Variants in ROBO2 observed in about 807,000 individuals in gnomAD.
ROBO2 encodes roundabout guidance receptor 2.
ROBO2 carries 53 observed loss-of-function variants against 160.8 expected under a neutral mutation model. That is an observed-to-expected ratio of 0.33 (90% confidence interval 0.26 to 0.41). The LOEUF (loss-of-function observed/expected upper bound fraction) is 0.41, where lower values mean the gene tolerates loss of function less well. ROBO2 is among the 10% of genes least tolerant of loss of function. The pLI is 1.00. For missense variants in ROBO2, 1,577 were observed against 1,722.4 expected (o/e 0.92, Z 1.49); for synonymous variants, 664 against 611.7 (o/e 1.09, Z -1.26).
At chr3:77,302,282 G>A (rs72895190) in intron 2 of ROBO2, among the ~76,000 whole-genome samples, 1 of 151,866 alleles carries the variant, frequency 6.6e-6, no homozygotes, top group Non-Finnish European at 1.5e-5. Context: ...GATATTAATC[G>A]TACCTATCTC....
intron 2 of ROBO2, among the ~76,000 whole-genome samples, chr3:77,099,448 G>T (rs998654079): frequency 1.2e-4 from 18 of 152,174 alleles, no homozygotes; most frequent in African/African-American, 4.3e-4. Context: ...AAGACTAGGA[G>T]AATCCTAAGA....
At chr3:77,560,500 C>G (rs527804335) in intron 9 of ROBO2, among the ~76,000 whole-genome samples, 1 of 152,110 alleles carries the variant, frequency 6.6e-6, no homozygotes, top group Non-Finnish European at 1.5e-5. Context: ...CATGACTGTC[C>G]TTACAGGGAG....
chr3:77,445,832 G>A (rs1035607700), intron 2 of ROBO2, among the ~76,000 whole-genome samples: 1 of 146,874 alleles, frequency 6.8e-6, no homozygotes, highest in African/African-American at 2.6e-5. Context: ...GTATAGCAAG[G>A]ATAGCTTTCT....
intron 2 of ROBO2, among the ~76,000 whole-genome samples, chr3:77,324,983 T>C (rs2065232671): frequency 6.6e-6 from 1 of 152,102 alleles, no homozygotes; most frequent in African/African-American, 2.4e-5. Context: ...GAATGAATAA[T>C]AACAGGATGT....
chr3:77,363,518 C>G (rs1418827455), intron 2 of ROBO2, among the ~76,000 whole-genome samples: 3 of 152,128 alleles, frequency 2.0e-5, no homozygotes, highest in East Asian at 1.9e-4. Context: ...GACCCAAGAG[C>G]CTTCAAAAAT....
chr3:76,584,595 C>G lies in ROBO2; in HGVS notation c.110-513419C>G, dbSNP rs566440931. Among the ~76,000 whole-genome samples, 12 of 152,214 alleles carry G rather than the reference C, an allele frequency of 7.9e-5. No individual in the cohort carries two copies. In the South Asian group the frequency reaches 2.5e-3, roughly 32 times the overall value. On this transcript the variant is annotated intron_variant, in intron 2 of 26. Coordinates refer to the ROBO2 transcript ENST00000487694. Reference sequence around the variant, plus strand: ...CTTGGTGAGGATCCTTCCCCACAGCCCTCAGAAGGGACCAACGCAGCTGAC... The same window carrying G: ...CTTGGTGAGGATCCTTCCCCACAGCGCTCAGAAGGGACCAACGCAGCTGAC...
intron 2 of ROBO2, among the ~76,000 whole-genome samples, chr3:76,509,297 C>T (rs1056947167): frequency 6.6e-6 from 1 of 152,072 alleles, no homozygotes; most frequent in African/African-American, 2.4e-5. Context: ...TCTGTTTGAA[C>T]GTTTTGGTGA....
chr3:76,271,667 T>C (rs1006982855), intron 2 of ROBO2, among the ~76,000 whole-genome samples: 27 of 151,878 alleles, frequency 1.8e-4, no homozygotes, highest in African/African-American at 6.5e-4. Context: ...TATATGCATC[T>C]GTTAGAATTA....
intron 2 of ROBO2, among the ~76,000 whole-genome samples, chr3:77,016,218 C>T (rs2062241244): frequency 6.6e-6 from 1 of 151,972 alleles, no homozygotes; most frequent in East Asian, 1.9e-4. Context: ...CCTCATGATC[C>T]GCCGCCTCGG....
intron 5 of ROBO2, among the ~76,000 whole-genome samples, chr3:77,514,804 G>A (rs760310853): frequency 8.6e-5 from 13 of 151,790 alleles, no homozygotes; most frequent in Non-Finnish European, 1.6e-4. Context: ...ATGGACCAAT[G>A]TATCTTGAAA....
intron 2 of ROBO2, among the ~76,000 whole-genome samples, chr3:76,698,679 A>G (rs1386381958): frequency 6.6e-6 from 1 of 152,200 alleles, no homozygotes; most frequent in African/African-American, 2.4e-5. Context: ...GGTCAGATTT[A>G]TAACGTTTTC....
intron 2 of ROBO2, among the ~76,000 whole-genome samples, chr3:76,182,597 A>G (rs962979377): frequency 7.2e-5 from 11 of 152,180 alleles, no homozygotes; most frequent in African/African-American, 2.4e-4. Context: ...CTACAAGTTG[A>G]CGGCTCCATA....
chr3:75,932,405 A>G (rs1250768240), intron 1 of ROBO2, among the ~76,000 whole-genome samples: 1 of 152,208 alleles, frequency 6.6e-6, no homozygotes, highest in East Asian at 1.9e-4. Context: ...CTGTTTATCT[A>G]TAATTTTTAA....
intron 2 of ROBO2, among the ~76,000 whole-genome samples, chr3:76,352,552 A>G (rs774158971): frequency 6.6e-6 from 1 of 152,040 alleles, no homozygotes; most frequent in Non-Finnish European, 1.5e-5. Context: ...GATTTGAATG[A>G]AAATGAGTTG....
At chr3:75,986,124 C>G (rs1259683506) in intron 2 of ROBO2, among the ~76,000 whole-genome samples, 1 of 151,582 alleles carries the variant, frequency 6.6e-6, no homozygotes, top group African/African-American at 2.4e-5. Flanking sequence ...GTACTGCTTT[C>G]TACAGTGGCT....
chr3:77,360,257 C>G (rs777741794), intron 2 of ROBO2, among the ~76,000 whole-genome samples: 4 of 150,912 alleles, frequency 2.7e-5, no homozygotes, highest in African/African-American at 4.9e-5. Flanking sequence ...ATGCAACCCC[C>G]CCCCCAAATT....
intron 2 of ROBO2, among the ~76,000 whole-genome samples, chr3:76,896,584 C>A (rs576905790): frequency 1.2e-3 from 177 of 152,126 alleles, no homozygotes; most frequent in African/African-American, 4.1e-3. Flanking sequence ...ATCCTCAATT[C>A]TTAATTGAGA....
intron 2 of ROBO2, among the ~76,000 whole-genome samples, chr3:77,286,168 T>G (rs557697056): frequency 6.6e-6 from 1 of 152,100 alleles, no homozygotes; most frequent in Non-Finnish European, 1.5e-5. Context: ...AAGTGAATCA[T>G]GTATCTTGAA....
At chr3:76,867,224 G>T (rs1280431349) in intron 2 of ROBO2, among the ~76,000 whole-genome samples, 2 of 152,198 alleles carry the variant, frequency 1.3e-5, no homozygotes, top group East Asian at 3.9e-4. Flanking sequence ...AGGAAGTCTT[G>T]TTCAGTGAAA....
Sources: gnomAD v4.1 joint callset for allele counts (sites outside exome capture counted in the v4.1 genomes callset) on GRCh38, gnomAD v4.1.1 for gene constraint, MANE v1.5 for transcripts, NCBI Gene and HGNC (gene_info 2026-07-23, HGNC 2026-07-21) for gene names.